SLIT3: variants seen among roughly 807,000 people sequenced by gnomAD.
SLIT3 encodes slit guidance ligand 3, also known as slit homolog 3 protein.
A neutral mutation model predicts 184.0 loss-of-function variants in SLIT3; 68 were observed. The ratio of observed to expected loss-of-function variants is 0.37; its 90% confidence interval spans 0.30 to 0.45. SLIT3 has a LOEUF of 0.45. Among genes scored for constraint, SLIT3 ranks in the 20% least tolerant of loss-of-function variants. The pLI is 1.00. For missense variants in SLIT3, 1,707 were observed against 2,026.0 expected, an observed-to-expected ratio of 0.84 and a Z score of 3.02; for synonymous variants, 831 against 828.6, an observed-to-expected ratio of 1.00 and a Z score of -0.05.
chr5:168,872,640 C>CTTCTTTTTTT (rs1554151402), intron 5 of SLIT3, among the ~76,000 whole-genome samples: 2 of 112,430 alleles, frequency 1.8e-5, no homozygotes, highest in Non-Finnish European at 3.6e-5. Flanking sequence ...TCTTCTTCTT[C>CTTCTTTTTTT]TTTTTTTTTT....
rs79702641 is a variant in SLIT3 at position 168,830,571 on chromosome 5, A to C, written c.558-7240T>G. 3.9e-5 allele frequency among the ~76,000 whole-genome samples: 6 copies of C among 152,350 alleles called. No homozygotes were observed. In the East Asian group the frequency reaches 1.2e-3, roughly 29 times the overall value. On this transcript the variant is annotated intron_variant, in intron 6 of 35. Transcript: ENST00000519560. ...CAGTAAAGGTATCTATGATGTTCATAATAGCAGAAATAATGCTGATACTAT... is the reference window on the plus strand; with the variant it reads ...CAGTAAAGGTATCTATGATGTTCATCATAGCAGAAATAATGCTGATACTAT...
chr5:168,757,244 C>A (rs913406754), intron 16 of SLIT3, among the ~76,000 whole-genome samples: 1 of 152,152 alleles, frequency 6.6e-6, no homozygotes, highest in African/African-American at 2.4e-5. Flanking sequence ...GTTCAGAGCC[C>A]CTGAGGGTTT....
At chr5:168,768,428 G>GA (rs1157490810) in intron 14 of SLIT3, among the ~76,000 whole-genome samples, 2 of 394 alleles carry the variant, frequency 5.1e-3, no homozygotes, top group African/African-American at 0.11. Flanking sequence ...CCCCACCCCA[G>GA]GGAGACACAG....
intron 20 of SLIT3, among the ~76,000 whole-genome samples, chr5:168,735,639 CACAT>C (rs1763409935): frequency 6.7e-6 from 1 of 149,550 alleles, no homozygotes; most frequent in African/African-American, 2.5e-5. Flanking sequence ...AATATACATA[CACAT>C]ACATATAGAC....
At chr5:168,922,135 C>A (rs1562007696) in intron 4 of SLIT3, among the ~76,000 whole-genome samples, 1 of 152,082 alleles carries the variant, frequency 6.6e-6, no homozygotes, top group East Asian at 1.9e-4. Context: ...TTTCAAACTG[C>A]AAATAATTAA....
chr5:169,008,976 C>T (rs1014882929), intron 4 of SLIT3, among the ~76,000 whole-genome samples: 1 of 152,106 alleles, frequency 6.6e-6, no homozygotes, highest in Non-Finnish European at 1.5e-5. Context: ...AACTGGAGTT[C>T]AGAGATTAAG....
chr5:169,101,558 C>T (rs1191926829), intron 4 of SLIT3, among the ~76,000 whole-genome samples: 1 of 152,230 alleles, frequency 6.6e-6, no homozygotes, highest in East Asian at 1.9e-4. Context: ...TCCTTGCCTA[C>T]ACCTTGCCTC....
At chr5:168,750,124 G>C (rs1333901064) in intron 18 of SLIT3, among the ~76,000 whole-genome samples, 1 of 152,134 alleles carries the variant, frequency 6.6e-6, no homozygotes, top group African/African-American at 2.4e-5. Context: ...TGCGGTGACT[G>C]GTTTCTGTGC....
chr5:168,817,288 A>C lies in SLIT3; in HGVS notation c.793+12T>G. ...ATAGCACAGGAGGGGAGAGCAGGTA[A>C]AGCATCCTCACCTGGGCACACGTAC... On this transcript the variant is annotated intron_variant, in intron 8 of 35. Transcript: ENST00000519560. 1 of 1,613,754 alleles carries C rather than the reference A, an allele frequency of 6.2e-7. No homozygotes were observed. The highest frequency in any genetic ancestry group is 8.5e-7 in the Non-Finnish European group (1 of 1,179,736).
intron 4 of SLIT3, among the ~76,000 whole-genome samples, chr5:169,154,262 T>C (rs542180755): frequency 6.6e-6 from 1 of 152,308 alleles, no homozygotes; most frequent in South Asian, 2.1e-4. Flanking sequence ...GCCTGGCCGA[T>C]GCTGCCAGCC....
intron 4 of SLIT3, among the ~76,000 whole-genome samples, chr5:168,953,520 AACAC>A (rs947005177): frequency 3.9e-5 from 6 of 152,220 alleles, no homozygotes; most frequent in Non-Finnish European, 8.8e-5. Context: ...TAGAAATAGG[AACAC>A]ACAGCTGGTT....
intron 4 of SLIT3, among the ~76,000 whole-genome samples, chr5:169,115,627 C>A (rs908247853): frequency 6.6e-6 from 1 of 152,074 alleles, no homozygotes; most frequent in Non-Finnish European, 1.5e-5. Context: ...AATTCCTGGT[C>A]GTCAACACAC....
chr5:168,677,353 T>C (rs73322410), intron 32 of SLIT3, among the ~76,000 whole-genome samples: 5,130 of 152,282 alleles, frequency 0.034, 283 homozygotes, highest in African/African-American at 0.12. Flanking sequence ...CATCGCTCAC[T>C]GCAGCCTTGA....
chr5:169,008,846 CCTTA>C, intron 4 of SLIT3, among the ~76,000 whole-genome samples: 1 of 152,216 alleles, frequency 6.6e-6, no homozygotes, highest in Middle Eastern at 3.4e-3. Flanking sequence ...TTCACTAAGC[CCTTA>C]CTATTTTCCA....
At chr5:169,072,369 G>A (rs572663112) in intron 4 of SLIT3, among the ~76,000 whole-genome samples, 3 of 152,314 alleles carry the variant, frequency 2.0e-5, no homozygotes, top group Non-Finnish European at 2.9e-5. Flanking sequence ...TCTGTCAAAT[G>A]AGGCAAATAA....
intron 5 of SLIT3, among the ~76,000 whole-genome samples, chr5:168,872,610 G>A (rs4867642): frequency 0.52 from 75,223 of 143,580 alleles, 22,101 homozygotes; most frequent in African/African-American, 0.82. Flanking sequence ...TTTAAAGTTC[G>A]TACTTTCTTC....
chr5:168,883,194 C>A, intron 5 of SLIT3, 71 bp downstream of exon 5: 1 of 1,242,540 alleles, frequency 8.0e-7, no homozygotes, highest in Non-Finnish European at 1.2e-6. Flanking sequence ...TTGTCCCATC[C>A]CTCACCCTCA....
chr5:168,755,389 A>ATTTATTTCTTTCTTTTCTTTCTTTC (rs1213373035), intron 16 of SLIT3, among the ~76,000 whole-genome samples: 1 of 133,640 alleles, frequency 7.5e-6, no homozygotes, highest in Non-Finnish European at 1.7e-5. Context: ...CAGTGCCGCC[A>ATTTATTTCTTTCTTTTCTTTCTTTC]TTTCTTTCTT....
At chr5:168,716,471 G>C (rs1762735148) in intron 23 of SLIT3, among the ~76,000 whole-genome samples, 11 of 152,220 alleles carry the variant, frequency 7.2e-5, no homozygotes, top group Non-Finnish European at 1.5e-4. Context: ...GAAGCACTCA[G>C]TCACATTAGC....
Sources: gnomAD v4.1 joint callset for allele counts (sites outside exome capture counted in the v4.1 genomes callset) on GRCh38, gnomAD v4.1.1 for gene constraint, MANE v1.5 for transcripts, NCBI Gene and HGNC (gene_info 2026-07-23, HGNC 2026-07-21) for gene names.